Variants in IL23R observed in about 807,000 individuals in gnomAD.
The protein encoded by IL23R is interleukin 23 receptor, also known as interleukin-23 receptor.
Under a neutral mutation model 56.9 loss-of-function variants are expected in IL23R, and 34 were observed. The ratio of observed to expected loss-of-function variants is 0.60; its 90% CI spans 0.45 to 0.80. IL23R has a LOEUF of 0.80. Among genes scored for constraint, IL23R ranks in the 30% least tolerant of loss-of-function variants. IL23R has a pLI of 0.00. For synonymous variants in IL23R, 230 were observed against 249.2 expected (o/e 0.92, Z 0.73); for missense variants, 635 against 730.0 (o/e 0.87, Z 1.50).
At chr1:67,147,497 G>A (rs1287475911) in intron 1 of IL23R, among the ~76,000 whole-genome samples, 1 of 152,104 alleles carries the variant, frequency 6.6e-6, no homozygotes, top group East Asian at 1.9e-4. Flanking sequence ...TCGGGAGTTC[G>A]AGACCAGCCT....
chr1:67,230,857 T>C (rs1242938805), intron 7 of IL23R, among the ~76,000 whole-genome samples: 1 of 152,234 alleles, frequency 6.6e-6, no homozygotes, highest in African/African-American at 2.4e-5. Flanking sequence ...CTCTTTACCC[T>C]TGGCCCGATA....
intron 9 of IL23R, among the ~76,000 whole-genome samples, chr1:67,253,203 C>T (rs1377430569): frequency 1.3e-5 from 2 of 152,186 alleles, no homozygotes; most frequent in African/African-American, 4.8e-5. Flanking sequence ...AGTGTTTTAG[C>T]ATTCAGCCCC....
intron 4 of IL23R, among the ~76,000 whole-genome samples, chr1:67,185,405 CT>C (rs879445643): frequency 1.3e-5 from 2 of 152,008 alleles, no homozygotes; most frequent in Admixed American, 6.6e-5. Context: ...TAAAAAAAAT[CT>C]TTTTATTTAT....
intron 7 of IL23R, chr1:67,231,947 G>A (rs926308002): frequency 2.0e-5 from 3 of 152,078 alleles, no homozygotes; most frequent in African/African-American, 7.2e-5. Context: ...TTGAGCCCAG[G>A]GGGCAGAGGT....
At chr1:67,253,999 A>G (rs1489072789) in intron 9 of IL23R, among the ~76,000 whole-genome samples, 1 of 152,134 alleles carries the variant, frequency 6.6e-6, no homozygotes, top group Non-Finnish European at 1.5e-5. Flanking sequence ...ACAACTATTC[A>G]TTATCTATAA....
exon 1 of IL23R, chr1:67,139,011 A>G (rs1369510190): frequency 6.6e-6 from 1 of 152,292 alleles, no homozygotes; most frequent in African/African-American, 2.4e-5. Context: ...TTTGAGCCTT[A>G]TGCTATGGGA....
intron 3 of IL23R, among the ~76,000 whole-genome samples, chr1:67,181,965 A>T (rs1647150689): frequency 6.6e-6 from 1 of 152,156 alleles, no homozygotes; most frequent in African/African-American, 2.4e-5. Context: ...TGAACAGCAA[A>T]TGTTGCTGCC....
intron 4 of IL23R, among the ~76,000 whole-genome samples, chr1:67,193,459 G>T (rs892847117): frequency 6.6e-6 from 1 of 152,072 alleles, no homozygotes; most frequent in African/African-American, 2.4e-5. Context: ...TATTGAATGA[G>T]TGATTAAATG....
chr1:67,173,077 G>A (rs1309879685), intron 3 of IL23R, among the ~76,000 whole-genome samples: 18 of 152,200 alleles, frequency 1.2e-4, no homozygotes, highest in Non-Finnish European at 7.4e-5. Context: ...TAGGGGAGGG[G>A]TGGGATTGGC....
intron 5 of IL23R, among the ~76,000 whole-genome samples, chr1:67,206,679 T>G (rs1649088178): frequency 7.2e-6 from 1 of 138,306 alleles, no homozygotes; most frequent in Admixed American, 7.3e-5. Flanking sequence ...TAGAGTTCAG[T>G]TTTTTTTTTT....
At chr1:67,183,471 G>A (rs1289148924) in intron 4 of IL23R, among the ~76,000 whole-genome samples, 1 of 152,152 alleles carries the variant, frequency 6.6e-6, no homozygotes, top group Non-Finnish European at 1.5e-5. Flanking sequence ...GGAGGCAGAG[G>A]TTGCAGTGAG....
chr1:67,253,656 G>A (rs1172069979), intron 9 of IL23R, among the ~76,000 whole-genome samples: 1 of 152,060 alleles, frequency 6.6e-6, no homozygotes, highest in East Asian at 1.9e-4. Context: ...TAATACCCTT[G>A]TAAGGAAGGC....
chr1:67,236,564 A>C, intron 7 of IL23R, 149 bp from the exon 8 acceptor site: 1 of 659,782 alleles, frequency 1.5e-6, no homozygotes, highest in South Asian at 1.7e-5. Flanking sequence ...CACATACTCG[A>C]AGACTATTGC....
intron 1 of IL23R, among the ~76,000 whole-genome samples, chr1:67,167,169 C>A (rs1473943535): frequency 2.0e-5 from 3 of 152,172 alleles, no homozygotes; most frequent in Non-Finnish European, 4.4e-5. Flanking sequence ...ATGGTGTGAT[C>A]ATGGTTCACT....
At chr1:67,260,285 T>C (rs1443465193), downstream of IL23R, among the ~76,000 whole-genome samples, 1 of 152,144 alleles carries the variant, frequency 6.6e-6, no homozygotes, top group African/African-American at 2.4e-5. Context: ...TGTGGCATAG[T>C]TGGGATATTA....
chr1:67,191,701 A>T (rs754734630), intron 4 of IL23R, among the ~76,000 whole-genome samples: 8 of 151,622 alleles, frequency 5.3e-5, no homozygotes, highest in Admixed American at 2.0e-4. Context: ...TGTCCTCACC[A>T]CTCCACTGAA....
chr1:67,206,891 T>A lies in IL23R; in HGVS notation c.653-19T>A. On this transcript the variant is annotated intron_variant, in intron 5 of 10. Transcript: ENST00000347310. ...AGTTTTAAACAGCCAGGTCTTTTTTTTTTTTTTTTTTTTTCTAGTGATACC... is the reference window on the plus strand; with the variant it reads ...AGTTTTAAACAGCCAGGTCTTTTTTATTTTTTTTTTTTTTCTAGTGATACC... The A allele has an allele frequency of 1.3e-6, 2 of 1,506,908 alleles. No homozygotes were observed. Among genetic ancestry groups the A allele is most frequent in the Non-Finnish European group, 1.8e-6 (2 of 1,131,884 alleles). 93.3% of individuals were successfully genotyped at this position (1,506,908 alleles called of 1,614,324 possible).
intron 9 of IL23R, among the ~76,000 whole-genome samples, chr1:67,250,985 A>G (rs1652568760): frequency 6.6e-6 from 1 of 152,172 alleles, no homozygotes; most frequent in Non-Finnish European, 1.5e-5. Context: ...GGTTTTTTCC[A>G]AAACAGGATC....
chr1:67,216,557 C>T (rs557329285), intron 6 of IL23R, among the ~76,000 whole-genome samples: 9 of 152,256 alleles, frequency 5.9e-5, no homozygotes, highest in Middle Eastern at 6.8e-3. Flanking sequence ...GTGTTTGTAG[C>T]GTGAAAGCAG....
Sources: allele counts gnomAD v4.1 joint callset (sites outside exome capture counted in the v4.1 genomes callset), GRCh38; gene constraint gnomAD v4.1.1; transcripts MANE v1.5; gene names NCBI Gene and HGNC (gene_info 2026-07-23, HGNC 2026-07-21).